IL1RAPL2: variants seen among roughly 807,000 people sequenced by gnomAD.
IL1RAPL2 encodes the protein interleukin 1 receptor accessory protein like 2, also known as X-linked interleukin-1 receptor accessory protein-like 2.
IL1RAPL2 carries 3 observed loss-of-function variants against 44.1 expected under a neutral mutation model. The observed-to-expected ratio is 0.07, with a 90% confidence interval of 0.03 to 0.18. The LOEUF (loss-of-function observed/expected upper bound fraction) is 0.18, where lower values mean the gene tolerates loss of function less well. Ranked by LOEUF, IL1RAPL2 falls within the 10% of genes least tolerant of loss-of-function variation. IL1RAPL2 has a pLI of 1.00. For synonymous variants in IL1RAPL2, 181 were observed against 178.8 expected, an observed-to-expected ratio of 1.01 and a Z score of -0.10; for missense variants, 391 against 496.4, an observed-to-expected ratio of 0.79 and a Z score of 2.02.
intron 2 of IL1RAPL2, among the ~76,000 whole-genome samples, chrX:104,847,629 C>T (rs56037716): frequency 0.027 from 2,972 of 111,517 alleles, 90 homozygotes; most frequent in African/African-American, 0.084. Context: ...GGTAGCTTGA[C>T]GCCTCCAGCT....
At chrX:104,888,731 A>T (rs113883347) in intron 2 of IL1RAPL2, among the ~76,000 whole-genome samples, 5,899 of 111,334 alleles carry the variant, frequency 0.053, 415 homozygotes, top group African/African-American at 0.18. Context: ...CCTGCAAAAA[A>T]ACTGGGTCTT....
intron 2 of IL1RAPL2, among the ~76,000 whole-genome samples, chrX:105,120,445 T>A (rs753623868): frequency 1.8e-5 from 2 of 111,269 alleles, no homozygotes; most frequent in East Asian, 5.7e-4. Context: ...TCAAATTAAA[T>A]CTGCCTTTTA....
chrX:105,331,606 A>G, intron 5 of IL1RAPL2, among the ~76,000 whole-genome samples: 1 of 111,613 alleles, frequency 9.0e-6, no homozygotes, highest in African/African-American at 3.2e-5. Flanking sequence ...ACCTTCAGAC[A>G]GATACTGACT....
At chrX:105,251,780 G>A (rs144099974) in intron 4 of IL1RAPL2, among the ~76,000 whole-genome samples, 4,370 of 109,455 alleles carry the variant, frequency 0.04, 212 homozygotes, top group African/African-American at 0.14. Flanking sequence ...GTAATTAATA[G>A]CTGTTATATA....
chrX:105,391,970 G>A (rs1467208283), intron 5 of IL1RAPL2, among the ~76,000 whole-genome samples: 9 of 76,484 alleles, frequency 1.2e-4, no homozygotes, highest in South Asian at 1.8e-3. Context: ...ACAGGAAGGG[G>A]AACATCACAC....
chrX:105,522,242 C>G (rs1202669726), intron 6 of IL1RAPL2, among the ~76,000 whole-genome samples: 1 of 111,694 alleles, frequency 9.0e-6, no homozygotes, highest in African/African-American at 3.3e-5. Flanking sequence ...ATATCTGCAT[C>G]AATATAATGA....
intron 1 of IL1RAPL2, among the ~76,000 whole-genome samples, chrX:104,636,510 C>T (rs1301074508): frequency 8.9e-6 from 1 of 112,233 alleles, no homozygotes; most frequent in African/African-American, 3.2e-5. Context: ...GCTTCCTGGC[C>T]ACTTTGTTTG....
chrX:104,940,689 C>G (rs1925142657), intron 2 of IL1RAPL2, among the ~76,000 whole-genome samples: 1 of 108,053 alleles, frequency 9.3e-6, no homozygotes, highest in Admixed American at 9.8e-5. Flanking sequence ...GTTGTTGGAC[C>G]CATTCTCACT....
chrX:105,256,194 T>C (rs1387073356), intron 4 of IL1RAPL2, among the ~76,000 whole-genome samples: 2 of 111,430 alleles, frequency 1.8e-5, no homozygotes, highest in Non-Finnish European at 3.8e-5. Context: ...TCCTCCTCAA[T>C]TTTTTGGAAT....
chrX:105,631,419 C>A (rs183648889), intron 6 of IL1RAPL2, among the ~76,000 whole-genome samples: 1 of 112,314 alleles, frequency 8.9e-6, no homozygotes, highest in East Asian at 2.8e-4. Context: ...ATCATCCCAT[C>A]TGGTCCTTCT....
chrX:105,600,546 T>C (rs2037243461), intron 6 of IL1RAPL2, among the ~76,000 whole-genome samples: 1 of 108,328 alleles, frequency 9.2e-6, no homozygotes, highest in Admixed American at 9.9e-5. Flanking sequence ...GAATAATATT[T>C]AATGAAATAA....
chrX:105,577,053 C>T (rs1293133092), intron 6 of IL1RAPL2, among the ~76,000 whole-genome samples: 1 of 111,209 alleles, frequency 9.0e-6, no homozygotes, highest in Non-Finnish European at 1.9e-5. Flanking sequence ...CTTTTTCCCA[C>T]AATTAAAAGC....
At chrX:105,300,335 G>A (rs2034687127) in intron 5 of IL1RAPL2, among the ~76,000 whole-genome samples, 1 of 111,146 alleles carries the variant, frequency 9.0e-6, no homozygotes, top group South Asian at 3.9e-4. Flanking sequence ...AGGCAAAGTG[G>A]AGCAGGTGTC....
At chrX:105,280,741 G>A (rs765843599) in intron 5 of IL1RAPL2, among the ~76,000 whole-genome samples, 26 of 111,419 alleles carry the variant, frequency 2.3e-4, no homozygotes, top group African/African-American at 8.2e-4. Flanking sequence ...TCTCACACCA[G>A]TTAGAATGGT....
At chrX:104,608,235 G>A (rs1929062402) in intron 1 of IL1RAPL2, among the ~76,000 whole-genome samples, 1 of 110,373 alleles carries the variant, frequency 9.1e-6, no homozygotes, top group Non-Finnish European at 1.9e-5. Flanking sequence ...TCAGGGGGTG[G>A]GGGGCTGTGG....
chrX:105,173,260 A>T (rs1189451971), intron 2 of IL1RAPL2, among the ~76,000 whole-genome samples: 2 of 112,015 alleles, frequency 1.8e-5, no homozygotes, highest in Non-Finnish European at 3.8e-5. Flanking sequence ...AGGCTCACTC[A>T]TGTCTCAGTC....
Position 104,954,610 on chromosome X carries a change from T to C in IL1RAPL2, c.83-240865T>C, listed in dbSNP as rs1372660410. 2.7e-5 allele frequency among the ~76,000 whole-genome samples: 3 copies of C among 112,024 alleles called. No individual in the cohort carries two copies. The Admixed American group carries it at 2.8e-4, about 11-fold the overall frequency. ...AGGCTGGAGTGCAGTGGTGCAGTCA[T>C]AGCTTACTGCAGTCTTGAGGGGCTC... On this transcript the variant is annotated intron_variant, in intron 2 of 10. Coordinates refer to ENST00000372582, the MANE Select transcript of IL1RAPL2 (RefSeq NM_017416.2).
rs1172010275 is a variant in IL1RAPL2 at position 104,672,416 on chromosome X, G to C, written c.82+13421G>C. ...CCAATTTCATCCATGTCCATAAAAAGGACATGAACTCATCATTTTTTATGG... is the reference window on the plus strand; with the variant it reads ...CCAATTTCATCCATGTCCATAAAAACGACATGAACTCATCATTTTTTATGG... On this transcript the variant is annotated intron_variant, in intron 2 of 10. Transcript: ENST00000372582. Among the ~76,000 whole-genome samples the C allele has an allele frequency of 3.6e-5, 4 of 110,764 alleles. No individual in the cohort carries two copies. The East Asian group carries it at 1.1e-3, about 31-fold the overall frequency.
At chrX:105,709,273 G>A (rs1460467096) in intron 6 of IL1RAPL2, among the ~76,000 whole-genome samples, 2 of 111,756 alleles carry the variant, frequency 1.8e-5, no homozygotes, top group African/African-American at 6.5e-5. Context: ...AGTAAACAGA[G>A]GTTAAGGGAT....
Sources: gnomAD v4.1 joint callset for allele counts (sites outside exome capture counted in the v4.1 genomes callset) on GRCh38, gnomAD v4.1.1 for gene constraint, MANE v1.5 for transcripts, NCBI Gene and HGNC (gene_info 2026-07-23, HGNC 2026-07-21) for gene names.